CSMD1: variants seen among roughly 807,000 people sequenced by gnomAD.
CSMD1 encodes the protein CUB and Sushi multiple domains 1, also known as CUB and sushi domain-containing protein 1.
Under a neutral mutation model 417.5 loss-of-function variants are expected in CSMD1, and 213 were observed. That is an observed-to-expected ratio of 0.51 (90% CI 0.46 to 0.57). CSMD1 has a LOEUF of 0.57. Among genes scored for constraint, CSMD1 ranks in the 20% least tolerant of loss-of-function variants. The pLI, the probability that CSMD1 is intolerant of heterozygous loss-of-function variation, is 0.00. For synonymous variants in CSMD1, 2,862 were observed against 1,736.8 expected (o/e 1.65, Z -16.11); for missense variants, 6,923 against 4,529.7 (o/e 1.53, Z -15.17).
At chr8:3,533,067 C>T (rs1040876746) in intron 10 of CSMD1, among the ~76,000 whole-genome samples, 4 of 152,078 alleles carry the variant, frequency 2.6e-5, no homozygotes, top group East Asian at 1.9e-4. Context: ...ATAAACAGCT[C>T]GTAATTCATC....
In CSMD1 at chr8:3,308,486, A is replaced by C; in HGVS notation, c.3649T>G (p.Cys1217Gly). 6.2e-7 allele frequency: 1 copy of C among 1,612,254 alleles called. No individual in the cohort carries two copies. ...LTYTSFDLVK[C>G]EDPGIPNYGY... ...TAGTTAGGGATGCCCGGATCCTCAC[A>C]TTTTACCAGATCAAAACCTGCAAGA... The change falls in exon 24 of 70, where the codon TGT becomes GGT. Residue 1217 changes from cysteine to glycine, a missense_variant. By Grantham distance (159) the Cys-to-Gly change is radical (BLOSUM62 -3). Coordinates refer to ENST00000635120, the MANE Select transcript of CSMD1 (RefSeq NM_033225.6).
chr8:4,775,124 G>A (rs114655016), intron 1 of CSMD1, among the ~76,000 whole-genome samples: 34 of 152,252 alleles, frequency 2.2e-4, no homozygotes, highest in African/African-American at 8.2e-4. Flanking sequence ...AAAATAATAT[G>A]TGTAAACAGA....
rs539704776 is a variant in CSMD1 at position 4,176,257 on chromosome 8, G to C, written c.416-144158C>G. Among the ~76,000 whole-genome samples the C allele has an allele frequency of 2.0e-5, 3 of 152,154 alleles. No individual in the cohort carries two copies. The East Asian group carries it at 5.8e-4, about 29-fold the overall frequency. On this transcript the variant is annotated intron_variant, in intron 3 of 69. Coordinates refer to ENST00000635120, the MANE Select transcript of CSMD1 (RefSeq NM_033225.6). ...TGTACGTTCTTATATACATTTGGTAGATTAGACTGCAAAAAATGAGAACAA... is the reference window on the plus strand; with the variant it reads ...TGTACGTTCTTATATACATTTGGTACATTAGACTGCAAAAAATGAGAACAA...
At chr8:3,112,748 A>C (rs1214702389) in intron 42 of CSMD1, among the ~76,000 whole-genome samples, 1 of 152,188 alleles carries the variant, frequency 6.6e-6, no homozygotes, top group African/African-American at 2.4e-5. Flanking sequence ...CAGAAGTTTA[A>C]AATTCAACGG....
chr8:4,318,462 T>C (rs1362153319), intron 3 of CSMD1, among the ~76,000 whole-genome samples: 1 of 152,066 alleles, frequency 6.6e-6, no homozygotes, highest in African/African-American at 2.4e-5. Flanking sequence ...AAAAGGTCAT[T>C]AGCAAGTAAT....
chr8:4,429,331 T>TG (rs1797739647), intron 2 of CSMD1, among the ~76,000 whole-genome samples: 1 of 152,042 alleles, frequency 6.6e-6, no homozygotes, highest in Non-Finnish European at 1.5e-5. Context: ...GCTTTACATG[T>TG]GTATATGTGT....
chr8:4,614,144 G>C (rs1585332614), intron 2 of CSMD1, among the ~76,000 whole-genome samples: 2 of 151,860 alleles, frequency 1.3e-5, no homozygotes, highest in East Asian at 3.9e-4. Context: ...TTTAAGTTCT[G>C]ATAATAATAA....
chr8:4,214,389 C>T (rs542000435), intron 3 of CSMD1, among the ~76,000 whole-genome samples: 1 of 152,172 alleles, frequency 6.6e-6, no homozygotes, highest in South Asian at 2.1e-4. Flanking sequence ...CCTCTGCCTC[C>T]TGGATTCAAT....
chr8:4,839,837 A>C (rs990106887), intron 1 of CSMD1, among the ~76,000 whole-genome samples: 18 of 152,198 alleles, frequency 1.2e-4, no homozygotes, highest in Non-Finnish European at 2.9e-5. Context: ...AGTAAAGTTG[A>C]TGTTTGCATG....
intron 18 of CSMD1, among the ~76,000 whole-genome samples, chr8:3,370,614 T>A (rs1168573150): frequency 1.3e-5 from 2 of 152,114 alleles, no homozygotes; most frequent in Non-Finnish European, 2.9e-5. Flanking sequence ...GTGGACTGAG[T>A]GAAGATTTGC....
At chr8:3,767,389 T>C (rs1453907941) in intron 5 of CSMD1, among the ~76,000 whole-genome samples, 1 of 152,232 alleles carries the variant, frequency 6.6e-6, no homozygotes, top group African/African-American at 2.4e-5. Flanking sequence ...CTCAGGCCTT[T>C]ACTCAGCCCT....
chr8:2,947,926 T>TC (rs1170875457), intron 68 of CSMD1, among the ~76,000 whole-genome samples: 1 of 145,444 alleles, frequency 6.9e-6, no homozygotes, highest in East Asian at 2.0e-4. Context: ...TGATTAATTA[T>TC]CCTTTTTTTT....
At chr8:4,449,718 T>C (rs990389477) in intron 2 of CSMD1, among the ~76,000 whole-genome samples, 2 of 151,930 alleles carry the variant, frequency 1.3e-5, no homozygotes, top group African/African-American at 4.8e-5. Context: ...GGGGAAGAAA[T>C]GCCAGAATAG....
At chr8:3,596,703 G>C (rs776596750) in intron 8 of CSMD1, among the ~76,000 whole-genome samples, 3 of 152,048 alleles carry the variant, frequency 2.0e-5, no homozygotes, top group Non-Finnish European at 4.4e-5. Context: ...CCAGGCTTAA[G>C]GAGCACCACA....
chr8:4,791,179 C>A (rs1335373723), intron 1 of CSMD1, among the ~76,000 whole-genome samples: 1 of 152,076 alleles, frequency 6.6e-6, no homozygotes, highest in African/African-American at 2.4e-5. Context: ...GCCAAGAAAA[C>A]AGACCACTGG....
At chr8:4,777,892 T>C (rs1185224292) in intron 1 of CSMD1, among the ~76,000 whole-genome samples, 1 of 152,202 alleles carries the variant, frequency 6.6e-6, no homozygotes, top group African/African-American at 2.4e-5. Flanking sequence ...AATCCTCAAA[T>C]AAACTACCTA....
chr8:3,307,955 C>A, intron 24 of CSMD1, 134 bp from the exon 25 acceptor site: 1 of 988,416 alleles, frequency 1.0e-6, no homozygotes, highest in East Asian at 2.7e-5. Flanking sequence ...ATCTCTCTCT[C>A]CTGACCGTTT....
chr8:3,518,708 T>A (rs1797381876), intron 10 of CSMD1, among the ~76,000 whole-genome samples: 1 of 152,078 alleles, frequency 6.6e-6, no homozygotes, highest in African/African-American at 2.4e-5. Context: ...AAGTAAGTAG[T>A]TGGTGTGGTT....
chr8:4,470,608 G>C (rs1248295445), intron 2 of CSMD1, among the ~76,000 whole-genome samples: 1 of 152,176 alleles, frequency 6.6e-6, no homozygotes, highest in Non-Finnish European at 1.5e-5. Context: ...TGGTCTAAGA[G>C]CTCATAAATG....
Sources: allele counts gnomAD v4.1 joint callset (sites outside exome capture counted in the v4.1 genomes callset), GRCh38; gene constraint gnomAD v4.1.1; transcripts MANE v1.5; gene names NCBI Gene and HGNC (gene_info 2026-07-23, HGNC 2026-07-21).